GABRA3: variants seen among roughly 807,000 people sequenced by gnomAD.
The protein encoded by GABRA3 is gamma-aminobutyric acid type A receptor subunit alpha3, also known as gamma-aminobutyric acid receptor subunit alpha-3.
GABRA3 carries 10 observed loss-of-function variants against 30.1 expected under a neutral mutation model. That is an observed-to-expected ratio of 0.33 (90% CI 0.20 to 0.56). The LOEUF (loss-of-function observed/expected upper bound fraction) is 0.56, where lower values mean the gene tolerates loss of function less well. GABRA3 is among the 20% of genes least tolerant of loss of function. The pLI, the probability that GABRA3 is intolerant of heterozygous loss-of-function variation, is 0.89. For synonymous variants in GABRA3, 151 were observed against 146.8 expected (o/e 1.03, Z -0.21); for missense variants, 233 against 392.0 (o/e 0.59, Z 3.42).
At chrX:152,388,619 G>A (rs1929391985) in intron 1 of GABRA3, among the ~76,000 whole-genome samples, 1 of 112,283 alleles carries the variant, frequency 8.9e-6, no homozygotes, top group African/African-American at 3.2e-5. Context: ...GTGAAGTAAT[G>A]ATGTTTTCAC....
intron 9 of GABRA3, among the ~76,000 whole-genome samples, chrX:152,172,942 G>A (rs897232645): frequency 3.1e-5 from 3 of 98,309 alleles, no homozygotes; most frequent in East Asian, 3.1e-4. Flanking sequence ...ATATATTTAC[G>A]AGTATGTGTA....
At chrX:152,234,504 C>T (rs1938157385) in intron 5 of GABRA3, among the ~76,000 whole-genome samples, 1 of 111,178 alleles carries the variant, frequency 9.0e-6, no homozygotes, top group Non-Finnish European at 1.9e-5. Flanking sequence ...TTCTTGTTCT[C>T]ATTGCACTTC....
Position 152,355,208 on chromosome X carries a change from G to A in GABRA3, c.140+9223C>T, listed in dbSNP as rs1272202759. Among the ~76,000 whole-genome samples, 5 of 111,194 alleles carry A rather than the reference G, an allele frequency of 4.5e-5. No individual in the cohort carries two copies. The Admixed American group carries it at 4.8e-4, about 11-fold the overall frequency. On this transcript the variant is annotated intron_variant, in intron 2 of 9. Coordinates refer to ENST00000370314, the MANE Select transcript of GABRA3 (RefSeq NM_000808.4). ...TTGATGCAGAAAATGTGTTAATATA[G>A]TGTCATATTCCTCCCAAATCATAGT... is the stretch of plus-strand genomic sequence containing the variant.
chrX:152,286,767 G>C (rs1190668630), intron 3 of GABRA3, among the ~76,000 whole-genome samples: 1 of 111,765 alleles, frequency 8.9e-6, no homozygotes, highest in African/African-American at 3.3e-5. Context: ...ATTTTGAGAA[G>C]AGACTATGAG....
intron 5 of GABRA3, among the ~76,000 whole-genome samples, chrX:152,236,080 G>T (rs1157477398): frequency 1.1e-5 from 1 of 91,258 alleles, no homozygotes; most frequent in African/African-American, 4.0e-5. Flanking sequence ...TGCCATGCTG[G>T]TGCGCTGCAC....
At chrX:152,327,472 G>A (rs1377963157) in intron 3 of GABRA3, among the ~76,000 whole-genome samples, 2 of 111,945 alleles carry the variant, frequency 1.8e-5, no homozygotes, top group Non-Finnish European at 3.8e-5. Context: ...CTTAGCAAAT[G>A]TAAAAGAACA....
chrX:152,438,842 A>G (rs1322908682), intron 1 of GABRA3, among the ~76,000 whole-genome samples: 7 of 111,571 alleles, frequency 6.3e-5, no homozygotes, highest in African/African-American at 2.3e-4. Context: ...GAACAGGTAT[A>G]TAACAGGAGA....
chrX:152,370,452 G>C (rs145065036), intron 1 of GABRA3, among the ~76,000 whole-genome samples: 19 of 111,797 alleles, frequency 1.7e-4, no homozygotes, highest in African/African-American at 5.8e-4. Flanking sequence ...TCAAAGCACT[G>C]TCATTCATAA....
At chrX:152,322,360 G>A (rs1939977362) in intron 3 of GABRA3, among the ~76,000 whole-genome samples, 2 of 111,320 alleles carry the variant, frequency 1.8e-5, no homozygotes, top group Admixed American at 9.6e-5. Flanking sequence ...ACTGCTTAAT[G>A]GATAAGGGGT....
chrX:152,321,175 C>A (rs1285943119), intron 3 of GABRA3, among the ~76,000 whole-genome samples: 1 of 111,110 alleles, frequency 9.0e-6, no homozygotes, highest in Non-Finnish European at 1.9e-5. Context: ...ATCTTCCTGT[C>A]ACTTCAGCAA....
At chrX:152,248,969 C>G (rs1023007901) in intron 5 of GABRA3, among the ~76,000 whole-genome samples, 3 of 111,634 alleles carry the variant, frequency 2.7e-5, no homozygotes, top group Admixed American at 1.9e-4. Flanking sequence ...ATAAATAAAT[C>G]TGTAAAAACA....
rs199661815 is a variant in GABRA3 at position 152,208,012 on chromosome X, C to T, written c.767G>A (p.Arg256Gln). ...LGHVVGTEIIRSSTGEYVVMT... is the reference protein window; with the variant it reads ...LGHVVGTEIIQSSTGEYVVMT... ...AATAAGTTAAATACCTGTACTAGAC[C>T]GGATTATCTCTGTCCCAACAACATG... Residue 256 changes from arginine to glutamine, a missense_variant, in exon 7 of 10, where the codon CGG (arginine) becomes CAG (glutamine). Physicochemically the swap from Arg to Gln is conservative, Grantham distance 43. Coordinates refer to ENST00000370314, the MANE Select transcript of GABRA3 (RefSeq NM_000808.4). The T allele has an allele frequency of 1.7e-6, 2 of 1,210,233 alleles. No homozygotes were observed. The highest frequency in any genetic ancestry group is 1.8e-5 in the South Asian group (1 of 56,743).
chrX:152,301,983 T>G (rs893854636), intron 3 of GABRA3, among the ~76,000 whole-genome samples: 1 of 111,857 alleles, frequency 8.9e-6, no homozygotes, highest in Non-Finnish European at 1.9e-5. Context: ...AGCTGACTTT[T>G]GAAGTTAATC....
At chrX:152,171,219 A>C (rs1336179205) in intron 9 of GABRA3, 2 of 115,505 alleles carry the variant, frequency 1.7e-5, no homozygotes, top group African/African-American at 6.5e-5. Flanking sequence ...CATCTTATAA[A>C]CTGGCTATGA....
At chrX:152,302,420 AT>A (rs1340178420) in intron 3 of GABRA3, among the ~76,000 whole-genome samples, 1 of 111,894 alleles carries the variant, frequency 8.9e-6, no homozygotes, top group Admixed American at 9.5e-5. Context: ...CTTATCTGAA[AT>A]GCTTGGGGTC....
At chrX:152,358,629 G>C (rs778945682) in intron 2 of GABRA3, among the ~76,000 whole-genome samples, 1 of 111,361 alleles carries the variant, frequency 9.0e-6, no homozygotes, top group Non-Finnish European at 1.9e-5. Context: ...TGCCTTTCAA[G>C]GAGAATGCTT....
chrX:152,404,113 A>T (rs1010174434), intron 1 of GABRA3, among the ~76,000 whole-genome samples: 4 of 111,697 alleles, frequency 3.6e-5, no homozygotes, highest in Non-Finnish European at 5.6e-5. Flanking sequence ...GGCTACACAA[A>T]GAGTAAGGAT....
intron 9 of GABRA3, among the ~76,000 whole-genome samples, chrX:152,174,285 T>C (rs1284649394): frequency 9.0e-6 from 1 of 111,539 alleles, no homozygotes; most frequent in Non-Finnish European, 1.9e-5. Flanking sequence ...GCATGATTTA[T>C]AGTCCTTTGC....
chrX:152,368,895 C>T (rs1007327450), intron 1 of GABRA3, among the ~76,000 whole-genome samples: 6 of 109,656 alleles, frequency 5.5e-5, no homozygotes, highest in African/African-American at 1.0e-4. Context: ...GTAGTAGAGA[C>T]GGGGTTTCAC....
Sources: gnomAD v4.1 joint callset for allele counts (sites outside exome capture counted in the v4.1 genomes callset) on GRCh38, gnomAD v4.1.1 for gene constraint, MANE v1.5 for transcripts, NCBI Gene and HGNC (gene_info 2026-07-23, HGNC 2026-07-21) for gene names.